ZBTB7C: variants seen among roughly 807,000 people sequenced by gnomAD.
ZBTB7C encodes the protein zinc finger and BTB domain-containing protein 7C.
A neutral mutation model predicts 25.7 loss-of-function variants in ZBTB7C; 8 were observed. That is an observed-to-expected ratio of 0.31 (90% CI 0.18 to 0.56). The LOEUF is 0.56. ZBTB7C is among the 20% of genes least tolerant of loss of function. ZBTB7C has a pLI of 0.91. For synonymous variants in ZBTB7C, 394 were observed against 369.0 expected, an observed-to-expected ratio of 1.07 and a Z score of -0.78; for missense variants, 824 against 855.2, an observed-to-expected ratio of 0.96 and a Z score of 0.46.
intron 2 of ZBTB7C, among the ~76,000 whole-genome samples, chr18:48,251,440 TA>T (rs2043854343): frequency 6.6e-6 from 1 of 152,228 alleles, no homozygotes; most frequent in Non-Finnish European, 1.5e-5. Context: ...GAGTCTTCAG[TA>T]AGGATTTCCT....
intron 3 of ZBTB7C, among the ~76,000 whole-genome samples, chr18:48,055,372 T>C (rs1160820864): frequency 7.4e-6 from 1 of 135,470 alleles, no homozygotes; most frequent in Non-Finnish European, 1.5e-5. Flanking sequence ...ATTGCGCCAC[T>C]GCACTCCAGC....
At chr18:48,159,226 T>C (rs1014630240) in intron 3 of ZBTB7C, among the ~76,000 whole-genome samples, 1 of 152,190 alleles carries the variant, frequency 6.6e-6, no homozygotes, top group Non-Finnish European at 1.5e-5. Context: ...CCTGCACATG[T>C]GGTGGTTAAG....
chr18:48,200,124 C>T (rs180809850), intron 2 of ZBTB7C, among the ~76,000 whole-genome samples: 10 of 152,124 alleles, frequency 6.6e-5, no homozygotes, highest in Admixed American at 3.9e-4. Context: ...TGGAGCCCAG[C>T]GTACGACACC....
intron 2 of ZBTB7C, among the ~76,000 whole-genome samples, chr18:48,278,888 A>G (rs887210339): frequency 4.0e-5 from 6 of 151,874 alleles, no homozygotes; most frequent in African/African-American, 1.5e-4. Context: ...AGGGACTGCA[A>G]TGGGTTTGTG....
At chr18:48,274,058 T>C (rs1388942991) in intron 2 of ZBTB7C, among the ~76,000 whole-genome samples, 1 of 152,210 alleles carries the variant, frequency 6.6e-6, no homozygotes, top group Non-Finnish European at 1.5e-5. Context: ...ATAACACTTC[T>C]ACCCATCTTT....
intron 2 of ZBTB7C, among the ~76,000 whole-genome samples, chr18:48,323,108 G>C (rs2046136733): frequency 1.3e-5 from 2 of 152,118 alleles, no homozygotes; most frequent in African/African-American, 4.8e-5. Context: ...TTCTGCTCGA[G>C]TGCACCAACA....
intron 4 of ZBTB7C, among the ~76,000 whole-genome samples, chr18:48,034,549 G>A (rs754627975): frequency 4.6e-5 from 7 of 152,144 alleles, no homozygotes; most frequent in South Asian, 2.1e-4. Context: ...CTCCCTGCAC[G>A]TGGCATGGAG....
intron 1 of ZBTB7C, among the ~76,000 whole-genome samples, chr18:48,376,860 C>T (rs1307116924): frequency 1.3e-5 from 2 of 152,236 alleles, no homozygotes; most frequent in Non-Finnish European, 2.9e-5. Context: ...TCTCGCCTGT[C>T]TCCTGCCCAA....
At chr18:48,258,422 T>C (rs2144495980) in intron 2 of ZBTB7C, among the ~76,000 whole-genome samples, 1 of 152,312 alleles carries the variant, frequency 6.6e-6, no homozygotes. Context: ...TATTCCTACA[T>C]ACTAGCAACA....
Position 48,040,226 on chromosome 18 carries a change from C to A in ZBTB7C, c.882G>T (p.Lys294Asn). ...GCGGTGGGGGTGGGGGCAGCTCCTC[C>A]TTCTCCTCCTCCTTGATCTTCCGAT... is the stretch of plus-strand genomic sequence containing the variant. ...IKNRKIKEEE[K>N]EELPPPPPPP... The change falls in exon 4 of 5, where the codon AAG becomes AAT. Residue 294 changes from lysine to asparagine, a missense_variant. Lys to Asn is a moderately conservative substitution (Grantham distance 94). Around this residue, in one of 4 missense-constraint regions of ZBTB7C, gnomAD observed 316 missense variants for 299.2 expected, o/e 1.06. Transcript: ENST00000590800. 3 of 1,570,028 alleles carry A rather than the reference C, an allele frequency of 1.9e-6. No individual in the cohort carries two copies. Among genetic ancestry groups the A allele is most frequent in the Non-Finnish European group, 2.6e-6 (3 of 1,160,118 alleles).
intron 1 of ZBTB7C, among the ~76,000 whole-genome samples, chr18:48,360,538 C>T (rs1213580837): frequency 6.6e-6 from 1 of 152,192 alleles, no homozygotes; most frequent in Non-Finnish European, 1.5e-5. Flanking sequence ...GTACTAGGGG[C>T]TTTGAATTGG....
intron 3 of ZBTB7C, among the ~76,000 whole-genome samples, chr18:48,101,560 C>T (rs368976440): frequency 6.6e-5 from 10 of 152,276 alleles, no homozygotes; most frequent in African/African-American, 2.4e-4. Flanking sequence ...ATTTTCTAAG[C>T]AGCTGTTATA....
At chr18:48,163,161 T>G (rs1022551646) in intron 3 of ZBTB7C, among the ~76,000 whole-genome samples, 1 of 152,118 alleles carries the variant, frequency 6.6e-6, no homozygotes, top group African/African-American at 2.4e-5. Context: ...TGGCCATCTC[T>G]CTCCCATCCT....
At chr18:48,218,384 C>T (rs1331125993) in intron 2 of ZBTB7C, among the ~76,000 whole-genome samples, 1 of 152,204 alleles carries the variant, frequency 6.6e-6, no homozygotes, top group Admixed American at 6.5e-5. Context: ...CAGGTATTCC[C>T]TCCTAGAATG....
chr18:48,039,774 C>T, intron 4 of ZBTB7C, 126 bp downstream of exon 4: 1 of 993,024 alleles, frequency 1.0e-6, no homozygotes, highest in Non-Finnish European at 1.5e-6. Context: ...CCCCTGCTAG[C>T]CACGAGCCTG....
chr18:48,066,076 C>T (rs1014813512), intron 3 of ZBTB7C, among the ~76,000 whole-genome samples: 2 of 152,232 alleles, frequency 1.3e-5, no homozygotes, highest in Non-Finnish European at 2.9e-5. Context: ...GTGGTATCTG[C>T]TCTCTCCTTC....
intron 3 of ZBTB7C, among the ~76,000 whole-genome samples, chr18:48,047,133 C>T (rs1039631266): frequency 6.6e-6 from 1 of 152,106 alleles, no homozygotes; most frequent in Non-Finnish European, 1.5e-5. Flanking sequence ...GTTTCATTGT[C>T]TTTTTGGGAA....
At chr18:48,198,453 T>G (rs556705308) in intron 2 of ZBTB7C, among the ~76,000 whole-genome samples, 1 of 152,316 alleles carries the variant, frequency 6.6e-6, no homozygotes, top group South Asian at 2.1e-4. Context: ...GGAATGGGTC[T>G]CAGCGTGCTA....
At chr18:48,054,668 AC>A (rs2036843295) in intron 3 of ZBTB7C, among the ~76,000 whole-genome samples, 1 of 152,126 alleles carries the variant, frequency 6.6e-6, no homozygotes, top group Non-Finnish European at 1.5e-5. Flanking sequence ...CACCACGAGA[AC>A]CGCCTGGCAT....
Sources: gnomAD v4.1 joint callset for allele counts (sites outside exome capture counted in the v4.1 genomes callset) on GRCh38, gnomAD v4.1.1 for gene constraint, gnomAD v4.1.1 regional missense constraint, MANE v1.5 for transcripts, NCBI Gene and HGNC (gene_info 2026-07-23, HGNC 2026-07-21) for gene names.